Variants in PRKAG2 observed in about 807,000 individuals in gnomAD.
PRKAG2 encodes the protein protein kinase AMP-activated non-catalytic subunit gamma 2.
A neutral mutation model predicts 69.6 loss-of-function variants in PRKAG2; 26 were observed. The ratio of observed to expected loss-of-function variants is 0.37; its 90% CI spans 0.27 to 0.52. The LOEUF (loss-of-function observed/expected upper bound fraction) is 0.52. PRKAG2 is among the 20% of genes least tolerant of loss of function. PRKAG2 has a pLI of 0.90. For missense variants in PRKAG2, 557 were observed against 740.0 expected (o/e 0.75, Z 2.87); for synonymous variants, 293 against 285.0 (o/e 1.03, Z -0.28).
chr7:151,852,402 G>A (rs2079592968), intron 1 of PRKAG2, among the ~76,000 whole-genome samples: 1 of 152,170 alleles, frequency 6.6e-6, no homozygotes, highest in African/African-American at 2.4e-5. Flanking sequence ...GGCTGAGGCA[G>A]GAGAATTGCT....
At chr7:151,560,403 A>G (rs117835127) in intron 15 of PRKAG2, 121 bp downstream of exon 15, 1 of 1,598,598 alleles carries the variant, frequency 6.3e-7, no homozygotes, top group African/African-American at 1.3e-5. Context: ...TTTCAAAGTA[A>G]TATACTCAAA....
chr7:151,572,609 T>C, intron 9 of PRKAG2, 55 bp downstream of exon 9: 4 of 1,284,546 alleles, frequency 3.1e-6, no homozygotes, highest in Non-Finnish European at 3.4e-6. Context: ...ATACTTTTCA[T>C]ACTAAACATA....
At chr7:151,825,805 C>G (rs570388425) in intron 1 of PRKAG2, among the ~76,000 whole-genome samples, 1 of 152,298 alleles carries the variant, frequency 6.6e-6, no homozygotes, top group East Asian at 1.9e-4. Context: ...TTACAGACAC[C>G]AGAGCATAAA....
In PRKAG2 at chr7:151,632,573, T is replaced by TC; in HGVS notation, c.685-436dup. On this transcript the variant is annotated intron_variant, in intron 4 of 15. Transcript: ENST00000287878. This position sits in a 1 kb window ranked among gnomAD's most constrained non-coding sequence, Gnocchi z 4.2. Reference sequence around the variant, plus strand: ...CTCCGCCCCCCGGCGCCGCTCACCTTCCCAGCACCGGCGGCCGCGCTCGGC... The same window carrying TC: ...CTCCGCCCCCCGGCGCCGCTCACCTTCCCCAGCACCGGCGGCCGCGCTCGGC... The TC allele has an allele frequency of 2.0e-6, 2 of 984,402 alleles. No individual in the cohort carries two copies. The highest frequency in any genetic ancestry group is 2.4e-6 in the Non-Finnish European group (2 of 829,578). 61.0% of individuals were successfully genotyped at this position (984,402 alleles called of 1,614,324 possible). A position where few individuals can be genotyped will look rare whatever the true frequency, so the allele number is the denominator to read the frequency against.
chr7:151,570,178 C>T lies in PRKAG2; in HGVS notation c.1099G>A (p.Asp367Asn), dbSNP rs1436308773. The change falls in exon 10 of 16, where the codon GAT becomes AAT. Residue 367 changes from aspartate (D) to asparagine (N), a missense_variant. This residue lies in a region of PRKAG2 where 205 missense variants were observed against 383.4 expected (regional missense o/e 0.53). Transcript: ENST00000287878. ...AAAAAAAAACAAGTTTACCTTGCATCTGGAGATATATTCACTAAAGGCTTA... is the reference window on the plus strand; with the variant it reads ...AAAAAAAAACAAGTTTACCTTGCATTTGGAGATATATTCACTAAAGGCTTA... ...TFKPLVNISP[D>N]ASLFDAVYSL... is the part of the protein sequence containing the mutation. 6.3e-7 allele frequency: 1 copy of T among 1,599,660 alleles called. No individual in the cohort carries two copies. Among genetic ancestry groups the T allele is most frequent in the Non-Finnish European group, 8.5e-7 (1 of 1,171,420 alleles).
At chr7:151,620,787 AGATT>A (rs1324511816) in intron 5 of PRKAG2, among the ~76,000 whole-genome samples, 1 of 78,328 alleles carries the variant, frequency 1.3e-5, no homozygotes, top group Non-Finnish European at 2.7e-5. Context: ...GCTCCTTAAT[AGATT>A]AAAAAAATTT....
intron 3 of PRKAG2, among the ~76,000 whole-genome samples, chr7:151,778,663 G>A (rs1480292834): frequency 6.6e-6 from 1 of 152,180 alleles, no homozygotes; most frequent in East Asian, 1.9e-4. Flanking sequence ...TTCTTCTGCT[G>A]TTACCAACAC....
chr7:151,652,657 T>G (rs773335542), intron 4 of PRKAG2, among the ~76,000 whole-genome samples: 1 of 152,264 alleles, frequency 6.6e-6, no homozygotes. Flanking sequence ...GTCTCTTTTT[T>G]CTTTTTGAGA....
Position 151,814,708 on chromosome 7 carries a change from G to A in PRKAG2, c.115-28167C>T, listed in dbSNP as rs573869791. The stretch of plus-strand genomic sequence containing the variant: ...CCCCAAGGCAGCGCAACAAGCGGCT[G>A]GCAGACAGCATGGGCTGGCCTAAGA... On this transcript the variant is annotated intron_variant, in intron 1 of 15. Coordinates refer to ENST00000287878, the MANE Select transcript of PRKAG2 (RefSeq NM_016203.4). The surrounding 1 kb of genome is among the most constrained non-coding windows in gnomAD (Gnocchi z 4.8). 5 of 1,231,664 alleles carry A rather than the reference G, an allele frequency of 4.1e-6. No individual in the cohort carries two copies. Among genetic ancestry groups the A allele is most frequent in the Non-Finnish European group, 5.1e-6 (5 of 987,992 alleles). The allele number at this position is 1,231,664 out of a possible 1,614,324, so 76.3% of individuals were successfully genotyped here.
intron 1 of PRKAG2, among the ~76,000 whole-genome samples, chr7:151,861,367 A>C (rs1488064226): frequency 6.6e-6 from 1 of 151,874 alleles, no homozygotes; most frequent in East Asian, 1.9e-4. Context: ...ATCTCTACTA[A>C]AAATACAAAA....
At chr7:151,825,354 T>A (rs886750247) in intron 1 of PRKAG2, among the ~76,000 whole-genome samples, 4 of 152,206 alleles carry the variant, frequency 2.6e-5, no homozygotes, top group Non-Finnish European at 5.9e-5. Context: ...TAAATTCACT[T>A]TATATTATTC....
intron 3 of PRKAG2, chr7:151,734,105 T>C (rs1445304153): frequency 6.6e-6 from 1 of 152,114 alleles, no homozygotes; most frequent in South Asian, 2.1e-4. Context: ...CTTCACAAGA[T>C]TGAACACTCT....
rs926244045 is a variant in PRKAG2 at position 151,556,957 on chromosome 7, A to C, written c.*244T>G. 38 of 564,304 alleles carry C rather than the reference A, an allele frequency of 6.7e-5. No individual in the cohort carries two copies. The highest frequency in any genetic ancestry group is 6.6e-4 in the African/African-American group (35 of 52,852). 35.0% of individuals were successfully genotyped at this position (564,304 alleles called of 1,614,324 possible). Reference sequence around the variant, plus strand: ...AAAACTTCAGGACACAGTGCACTTTAATGACATACAGCATTTAAAATCCTT... The same window carrying C: ...AAAACTTCAGGACACAGTGCACTTTCATGACATACAGCATTTAAAATCCTT... On this transcript the variant is annotated 3_prime_UTR_variant, in exon 16 of 16. Transcript: ENST00000287878.
chr7:151,607,280 G>A lies in PRKAG2; in HGVS notation c.755-11826C>T, dbSNP rs376963635. Among the ~76,000 whole-genome samples the A allele has an allele frequency of 1.4e-4, 21 of 150,768 alleles. No homozygotes were observed. In the East Asian group the frequency reaches 2.9e-3, roughly 21 times the overall value. ...TCTGATTACATAATATGCTTGTTTGGTACCTTTGTTTGTTTTTTTGAGACA... is the reference window on the plus strand; with the variant it reads ...TCTGATTACATAATATGCTTGTTTGATACCTTTGTTTGTTTTTTTGAGACA... On this transcript the variant is annotated intron_variant, in intron 5 of 15. Transcript: ENST00000287878.
intron 1 of PRKAG2, among the ~76,000 whole-genome samples, chr7:151,794,454 G>A (rs757448808): frequency 2.6e-5 from 4 of 152,250 alleles, no homozygotes; most frequent in African/African-American, 4.8e-5. Context: ...GGTGGGAAAC[G>A]AGACCAGAGG....
At chr7:151,739,053 CG>C (rs369368700) in intron 3 of PRKAG2, among the ~76,000 whole-genome samples, 298 of 152,322 alleles carry the variant, frequency 2.0e-3, no homozygotes, top group African/African-American at 7.0e-3. Context: ...CAACCGGGTT[CG>C]GGTCTCCCCA....
intron 1 of PRKAG2, among the ~76,000 whole-genome samples, chr7:151,854,997 ATGCTCCACACACACCACCC>A (rs1563756366): frequency 0.011 from 94 of 8,362 alleles, 7 homozygotes; most frequent in East Asian, 0.11. Context: ...CACACACACC[ATGCTCCACACACACCACCC>A]TCCACACACA....
chr7:151,868,618 C>T (rs1189842711), intron 1 of PRKAG2, among the ~76,000 whole-genome samples: 1 of 152,244 alleles, frequency 6.6e-6, no homozygotes, highest in Non-Finnish European at 1.5e-5. Context: ...GAAAGGACGG[C>T]AGACAGCTGG....
chr7:151,735,865 G>T, intron 3 of PRKAG2: 2 of 1,536,052 alleles, frequency 1.3e-6, no homozygotes, highest in South Asian at 2.4e-5. Context: ...CCCAAGGACA[G>T]ACCACCAGGG....
Sources: gnomAD v4.1 joint callset for allele counts (sites outside exome capture counted in the v4.1 genomes callset) on GRCh38, gnomAD v4.1.1 for gene constraint, gnomAD v4.1.1 regional missense constraint, Gnocchi (gnomAD v3.1) non-coding constraint, MANE v1.5 for transcripts, NCBI Gene and HGNC (gene_info 2026-07-23, HGNC 2026-07-21) for gene names.